Variants in LRP1B observed in about 807,000 individuals in gnomAD.
The protein encoded by LRP1B is LDL receptor related protein 1B.
LRP1B carries 217 observed loss-of-function variants against 556.6 expected under a neutral mutation model. The ratio of observed to expected loss-of-function variants is 0.39; its 90% confidence interval spans 0.35 to 0.44. LRP1B has a LOEUF of 0.44. Ranked by LOEUF, LRP1B falls within the 20% of genes least tolerant of loss-of-function variation. LRP1B has a pLI of 1.00. For missense variants in LRP1B, 5,053 were observed against 5,620.8 expected, an observed-to-expected ratio of 0.90 and a Z score of 3.23; for synonymous variants, 2,047 against 1,865.8, an observed-to-expected ratio of 1.10 and a Z score of -2.50.
chr2:141,106,045 A>G (rs966441429), intron 7 of LRP1B, among the ~76,000 whole-genome samples: 13 of 152,158 alleles, frequency 8.5e-5, no homozygotes, highest in African/African-American at 1.7e-4. Flanking sequence ...TTGAACACCA[A>G]GTAAGTTTCT....
At chr2:140,670,912 C>T (rs952628891) in intron 41 of LRP1B, among the ~76,000 whole-genome samples, 1 of 152,062 alleles carries the variant, frequency 6.6e-6, no homozygotes. Flanking sequence ...AATGTAGCCA[C>T]GTTATTTAAA....
intron 3 of LRP1B, among the ~76,000 whole-genome samples, chr2:141,405,525 T>C (rs1690600917): frequency 6.6e-6 from 1 of 152,160 alleles, no homozygotes. Context: ...AGACACACAC[T>C]ATGCTTTTTG....
intron 1 of LRP1B, among the ~76,000 whole-genome samples, chr2:142,012,552 A>G (rs997456909): frequency 1.3e-5 from 2 of 152,144 alleles, no homozygotes; most frequent in Non-Finnish European, 2.9e-5. Context: ...TTTCAGCACC[A>G]TAAGTTAGCA....
chr2:140,372,677 T>G (rs528764474), intron 69 of LRP1B, among the ~76,000 whole-genome samples: 1 of 152,214 alleles, frequency 6.6e-6, no homozygotes, highest in Admixed American at 6.6e-5. Flanking sequence ...AACTAAAACC[T>G]ATCTTTTACT....
intron 1 of LRP1B, among the ~76,000 whole-genome samples, chr2:142,040,512 T>G (rs1704026136): frequency 6.6e-6 from 1 of 151,262 alleles, no homozygotes; most frequent in Admixed American, 6.6e-5. Flanking sequence ...TTATTCTTCT[T>G]GATAAAGATG....
chr2:140,532,947 T>TATATATATACACAC, intron 47 of LRP1B, among the ~76,000 whole-genome samples: 2 of 124,318 alleles, frequency 1.6e-5, no homozygotes, highest in South Asian at 2.7e-4. Flanking sequence ...TATATATATA[T>TATATATATACACAC]ACACATATAT....
chr2:141,754,547 CA>C (rs2105576922), intron 2 of LRP1B, among the ~76,000 whole-genome samples: 1 of 152,268 alleles, frequency 6.6e-6, no homozygotes, highest in South Asian at 2.1e-4. Flanking sequence ...TGGCAACCAA[CA>C]TATAGGTATG....
At chr2:140,818,415 T>C (rs1383803470) in intron 31 of LRP1B, among the ~76,000 whole-genome samples, 1 of 152,202 alleles carries the variant, frequency 6.6e-6, no homozygotes, top group Non-Finnish European at 1.5e-5. Context: ...TCACATGCTA[T>C]ATCTGTAGAA....
At chr2:140,419,932 C>G (rs1685361778) in intron 66 of LRP1B, among the ~76,000 whole-genome samples, 1 of 150,540 alleles carries the variant, frequency 6.6e-6, no homozygotes, top group African/African-American at 2.5e-5. Flanking sequence ...AACCTGAACC[C>G]AGGAAGCGGA....
intron 22 of LRP1B, among the ~76,000 whole-genome samples, chr2:140,904,712 AAT>A (rs1381375184): frequency 2.6e-5 from 4 of 152,128 alleles, no homozygotes; most frequent in Admixed American, 1.3e-4. Flanking sequence ...GGTTCCTCCA[AAT>A]ATGTTTGTTC....
intron 52 of LRP1B, among the ~76,000 whole-genome samples, chr2:140,508,532 GA>G (rs1156417956): frequency 6.6e-6 from 1 of 152,088 alleles, no homozygotes; most frequent in African/African-American, 2.4e-5. Context: ...TTTTAACAAA[GA>G]TTTTTTTAAA....
intron 82 of LRP1B, among the ~76,000 whole-genome samples, chr2:140,320,726 C>A (rs944450045): frequency 6.6e-6 from 1 of 152,034 alleles, no homozygotes; most frequent in African/African-American, 2.4e-5. Context: ...CCACGCCTGG[C>A]AAGAACACTG....
At chr2:140,488,939 G>A (rs1199697228) in intron 57 of LRP1B, among the ~76,000 whole-genome samples, 1 of 151,910 alleles carries the variant, frequency 6.6e-6, no homozygotes, top group African/African-American at 2.4e-5. Context: ...TCTCAGGTCT[G>A]AGTTTAGTTT....
intron 11 of LRP1B, among the ~76,000 whole-genome samples, chr2:141,028,933 C>A (rs1025685482): frequency 6.6e-6 from 1 of 151,978 alleles, no homozygotes; most frequent in Non-Finnish European, 1.5e-5. Context: ...GAGAAAAAGG[C>A]AGGAAAGGGA....
intron 3 of LRP1B, among the ~76,000 whole-genome samples, chr2:141,453,775 G>T (rs113482635): frequency 1.8e-4 from 27 of 151,902 alleles, no homozygotes; most frequent in African/African-American, 6.3e-4. Context: ...AAAATTAGCC[G>T]GGTGTGGTGA....
At chr2:141,219,611 A>G (rs959091006) in intron 6 of LRP1B, among the ~76,000 whole-genome samples, 2 of 152,146 alleles carry the variant, frequency 1.3e-5, no homozygotes, top group Non-Finnish European at 2.9e-5. Context: ...CAGGCTTCTG[A>G]TCACATGCCT....
chr2:141,467,107 TA>T (rs61113104), intron 3 of LRP1B, among the ~76,000 whole-genome samples: 3 of 82,214 alleles, frequency 3.6e-5, no homozygotes, highest in African/African-American at 7.3e-5. Context: ...TATGTGTATA[TA>T]TATATATATA....
intron 3 of LRP1B, among the ~76,000 whole-genome samples, chr2:141,463,946 T>C (rs1001078422): frequency 2.6e-5 from 4 of 151,278 alleles, no homozygotes; most frequent in Non-Finnish European, 4.4e-5. Flanking sequence ...GTGCTATGTA[T>C]AAACTAAAAA....
chr2:141,205,595 T>C (rs1682240603), intron 6 of LRP1B, among the ~76,000 whole-genome samples: 1 of 152,226 alleles, frequency 6.6e-6, no homozygotes, highest in Non-Finnish European at 1.5e-5. Context: ...AATCGCAAAC[T>C]TAATGCACTC....
Sources: allele counts gnomAD v4.1 joint callset (sites outside exome capture counted in the v4.1 genomes callset), GRCh38; gene constraint gnomAD v4.1.1; transcripts MANE v1.5; gene names NCBI Gene and HGNC (gene_info 2026-07-23, HGNC 2026-07-21).